RIMS1: variants seen among roughly 807,000 people sequenced by gnomAD.
The protein encoded by RIMS1 is regulating synaptic membrane exocytosis protein 1.
A neutral mutation model predicts 214.1 loss-of-function variants in RIMS1; 83 were observed. That is an observed-to-expected ratio of 0.39 (90% confidence interval 0.32 to 0.47). The LOEUF is 0.47. RIMS1 is among the 20% of genes least tolerant of loss of function. RIMS1 has a pLI of 0.99. For synonymous variants in RIMS1, 793 were observed against 786.8 expected (o/e 1.01, Z -0.13); for missense variants, 2,050 against 2,161.8 (o/e 0.95, Z 1.03).
intron 4 of RIMS1, among the ~76,000 whole-genome samples, chr6:72,122,941 T>G (rs1367230011): frequency 6.6e-6 from 1 of 151,900 alleles, no homozygotes; most frequent in Non-Finnish European, 1.5e-5. Flanking sequence ...ATTCATTGAT[T>G]TTTTGAAGGT....
chr6:72,194,998 A>G (rs931608986), intron 6 of RIMS1, among the ~76,000 whole-genome samples: 5 of 152,184 alleles, frequency 3.3e-5, no homozygotes, highest in African/African-American at 1.2e-4. Flanking sequence ...GAAATATGTA[A>G]TATAATTCAT....
At chr6:72,001,476 T>C (rs1458146716) in intron 2 of RIMS1, among the ~76,000 whole-genome samples, 1 of 152,176 alleles carries the variant, frequency 6.6e-6, no homozygotes, top group Non-Finnish European at 1.5e-5. Context: ...TTATTGTTAC[T>C]GATGCCTTTT....
rs569913395 is a variant in RIMS1 at position 72,007,588 on chromosome 6, C to T, written c.245+38525C>T. 1.8e-3 allele frequency among the ~76,000 whole-genome samples: 272 copies of T among 152,202 alleles called. 1 individual carries two copies. Among genetic ancestry groups the T allele is most frequent in the African/African-American group, 6.3e-3 (260 of 41,522 alleles). ...TTAAAAACCTTGAAAACAGATTAGA[C>T]GAATGGATAACTAGAATAACCAATG... On this transcript the variant is annotated intron_variant, in intron 2 of 33. Transcript: ENST00000521978.
chr6:72,152,848 A>G (rs35023007), intron 4 of RIMS1, among the ~76,000 whole-genome samples: 2,169 of 81,524 alleles, frequency 0.027, 266 homozygotes, highest in East Asian at 0.1. Context: ...GTATATATGG[A>G]ATATATGTAT....
intron 2 of RIMS1, among the ~76,000 whole-genome samples, chr6:72,075,244 G>C (rs1831512616): frequency 6.6e-6 from 1 of 151,928 alleles, no homozygotes; most frequent in Non-Finnish European, 1.5e-5. Context: ...AGCACACCTA[G>C]CTAATTAAAA....
At chr6:72,109,801 C>T (rs536448384) in intron 4 of RIMS1, among the ~76,000 whole-genome samples, 2,053 of 152,140 alleles carry the variant, frequency 0.013, 48 homozygotes, top group African/African-American at 0.047. Context: ...AATGGTAATG[C>T]CTAGGTTTTC....
chr6:72,137,004 T>C (rs1296499736), intron 4 of RIMS1, among the ~76,000 whole-genome samples: 9 of 151,978 alleles, frequency 5.9e-5, no homozygotes, highest in African/African-American at 1.7e-4. Flanking sequence ...GTTAATATAA[T>C]AAGGCAATAA....
At chr6:72,121,795 T>A (rs1024885876) in intron 4 of RIMS1, among the ~76,000 whole-genome samples, 4 of 151,898 alleles carry the variant, frequency 2.6e-5, no homozygotes, top group Admixed American at 6.6e-5. Context: ...GGGTTTGTCA[T>A]AAATAGTTCT....
chr6:72,274,218 A>T, intron 22 of RIMS1, 131 bp from the exon 23 acceptor site: 1 of 552,928 alleles, frequency 1.8e-6, no homozygotes, highest in Non-Finnish European at 3.3e-6. Flanking sequence ...TGAAGATTTT[A>T]AATTATGGAG....
intron 4 of RIMS1, among the ~76,000 whole-genome samples, chr6:72,146,166 T>C (rs909081648): frequency 5.3e-5 from 8 of 152,348 alleles, no homozygotes; most frequent in African/African-American, 1.4e-4. Flanking sequence ...TTTTCCTCTA[T>C]TTTAATGTCA....
Position 72,219,819 on chromosome 6 carries a change from A to G in RIMS1, c.1679-13954A>G, listed in dbSNP as rs192704895. On this transcript the variant is annotated intron_variant, in intron 6 of 33. Transcript: ENST00000521978. ...TTTTTATCCACTTAATTTTTTTTTT[A>G]CTTTTATTTCAGGATTATGTTCTGT... Among the ~76,000 whole-genome samples the G allele has an allele frequency of 1.2e-3, 178 of 148,160 alleles. 1 individual carries two copies. Among genetic ancestry groups the G allele is most frequent in the Middle Eastern group, 0.011 (3 of 280 alleles).
chr6:72,052,436 T>C (rs1824961284), intron 2 of RIMS1, among the ~76,000 whole-genome samples: 1 of 152,192 alleles, frequency 6.6e-6, no homozygotes, highest in Admixed American at 6.5e-5. Context: ...AACTTTTACT[T>C]CCACTTTTTT....
At chr6:72,338,338 C>T (rs552198984) in intron 29 of RIMS1, among the ~76,000 whole-genome samples, 46 of 152,070 alleles carry the variant, frequency 3.0e-4, no homozygotes, top group Admixed American at 1.8e-3. Flanking sequence ...TCTCTGATGG[C>T]CAGTGATGGT....
chr6:72,122,381 T>C (rs1000175849), intron 4 of RIMS1, among the ~76,000 whole-genome samples: 1 of 151,528 alleles, frequency 6.6e-6, no homozygotes, highest in African/African-American at 2.4e-5. Flanking sequence ...ATTTTTTTTG[T>C]ATTTTTAGTA....
At chr6:72,109,074 C>A (rs912802558) in intron 4 of RIMS1, among the ~76,000 whole-genome samples, 1 of 152,030 alleles carries the variant, frequency 6.6e-6, no homozygotes, top group African/African-American at 2.4e-5. Flanking sequence ...TGTATATGGG[C>A]CACATTTTCT....
At chr6:72,338,176 A>C (rs1421862363) in intron 29 of RIMS1, among the ~76,000 whole-genome samples, 1 of 151,780 alleles carries the variant, frequency 6.6e-6, no homozygotes, top group Non-Finnish European at 1.5e-5. Context: ...ACTGACTTCC[A>C]CAATGGTTGA....
intron 4 of RIMS1, among the ~76,000 whole-genome samples, chr6:72,127,777 C>CT (rs2039812603): frequency 6.6e-6 from 1 of 152,172 alleles, no homozygotes; most frequent in Admixed American, 6.5e-5. Flanking sequence ...AAAGAAAACA[C>CT]TTTTTTGTTG....
At chr6:71,909,996 G>A (rs1405641778) in intron 1 of RIMS1, among the ~76,000 whole-genome samples, 1 of 152,090 alleles carries the variant, frequency 6.6e-6, no homozygotes, top group Non-Finnish European at 1.5e-5. Context: ...AAGTTAAATG[G>A]TCAGAGGATG....
intron 31 of RIMS1, among the ~76,000 whole-genome samples, chr6:72,396,562 C>T (rs917011687): frequency 6.6e-6 from 1 of 151,878 alleles, no homozygotes; most frequent in African/African-American, 2.4e-5. Flanking sequence ...AACCAAGACC[C>T]CTAATTGGAG....
Sources: gnomAD v4.1 joint callset for allele counts (sites outside exome capture counted in the v4.1 genomes callset) on GRCh38, gnomAD v4.1.1 for gene constraint, MANE v1.5 for transcripts, NCBI Gene and HGNC (gene_info 2026-07-23, HGNC 2026-07-21) for gene names.